The following IL12RB2 variants were observed in gnomAD, a reference collection of about 807,000 sequenced individuals.
IL12RB2 encodes the protein interleukin 12 receptor subunit beta 2, also known as interleukin-12 receptor subunit beta-2.
Under a neutral mutation model 89.4 loss-of-function variants are expected in IL12RB2, and 82 were observed. The ratio of observed to expected loss-of-function variants is 0.92; its 90% CI spans 0.77 to 1.10. The LOEUF is 1.10. IL12RB2 is among the 50% of genes least tolerant of loss of function. The probability of loss-of-function intolerance (pLI) is 0.00; values close to 1 mark genes in which losing one functional copy is unlikely to be tolerated. For synonymous variants in IL12RB2, 368 were observed against 370.1 expected (o/e 0.99, Z 0.07); for missense variants, 963 against 1,031.9 (o/e 0.93, Z 0.92).
intron 9 of IL12RB2, 84 bp downstream of exon 9, chr1:67,338,787 A>C (rs941726333): frequency 1.2e-5 from 9 of 772,542 alleles, no homozygotes; most frequent in Non-Finnish European, 1.9e-5. Context: ...CTTTTATATG[A>C]AGCTTCAATG....
At chr1:67,356,273 G>A (rs1049488747) in intron 10 of IL12RB2, among the ~76,000 whole-genome samples, 4 of 152,170 alleles carry the variant, frequency 2.6e-5, no homozygotes, top group South Asian at 2.1e-4. Context: ...GTGATGAAGC[G>A]GGGAGGACCA....
intron 10 of IL12RB2, among the ~76,000 whole-genome samples, chr1:67,362,926 C>T (rs1402433446): frequency 1.4e-4 from 20 of 147,446 alleles, no homozygotes; most frequent in African/African-American, 3.7e-4. Context: ...TTTTTTGTGA[C>T]GGAGTCTTGC....
chr1:67,372,326 GA>G, intron 11 of IL12RB2, 109 bp from the exon 12 acceptor site: 1 of 767,606 alleles, frequency 1.3e-6, no homozygotes, highest in Non-Finnish European at 2.4e-6. Flanking sequence ...TTTAAACTAG[GA>G]AAAGGCAAGA....
intron 2 of IL12RB2, among the ~76,000 whole-genome samples, chr1:67,317,218 G>A (rs2100560803): frequency 6.6e-6 from 1 of 152,294 alleles, no homozygotes; most frequent in South Asian, 2.1e-4. Flanking sequence ...TGGTGGATGT[G>A]GCTGGTGATA....
At chr1:67,320,520 G>T in intron 3 of IL12RB2, 76 bp downstream of exon 3, 1 of 1,605,266 alleles carries the variant, frequency 6.2e-7, no homozygotes, top group South Asian at 1.1e-5. Context: ...GTATGTATTT[G>T]TGGTAAATGT....
intron 16 of IL12RB2, among the ~76,000 whole-genome samples, chr1:67,392,032 TG>T (rs1665890136): frequency 6.6e-6 from 1 of 152,148 alleles, no homozygotes; most frequent in East Asian, 1.9e-4. Context: ...AGCGAGTACA[TG>T]GTGGATCCTG....
intron 13 of IL12RB2, among the ~76,000 whole-genome samples, chr1:67,373,413 C>A (rs951982455): frequency 3.9e-5 from 6 of 152,218 alleles, no homozygotes; most frequent in East Asian, 1.9e-4. Context: ...CCCCGCCAAT[C>A]CTGTATAGGC....
intron 14 of IL12RB2, among the ~76,000 whole-genome samples, chr1:67,383,738 G>C (rs1351645012): frequency 6.6e-6 from 1 of 152,222 alleles, no homozygotes; most frequent in African/African-American, 2.4e-5. Flanking sequence ...TAAGCCTAGT[G>C]TTCCATTATT....
intron 13 of IL12RB2, among the ~76,000 whole-genome samples, chr1:67,373,826 G>A (rs1440354365): frequency 1.3e-5 from 2 of 152,182 alleles, no homozygotes; most frequent in East Asian, 3.9e-4. Flanking sequence ...ATGCAACAAA[G>A]CCACCCTAAG....
chr1:67,375,304 G>T (rs1056537870), intron 13 of IL12RB2, among the ~76,000 whole-genome samples: 1 of 152,144 alleles, frequency 6.6e-6, no homozygotes, highest in African/African-American at 2.4e-5. Flanking sequence ...GCTGAGGTGT[G>T]AGGATCACTG....
intron 13 of IL12RB2, among the ~76,000 whole-genome samples, chr1:67,373,167 G>A (rs1225769111): frequency 6.6e-6 from 1 of 152,186 alleles, no homozygotes; most frequent in Non-Finnish European, 1.5e-5. Context: ...GAGTGCAGTG[G>A]TGCAATCACA....
rs148025435 is a variant in IL12RB2 at position 67,316,406 on chromosome 1, C to T, written c.-37+2406C>T. On this transcript the variant is annotated intron_variant, in intron 2 of 16. Coordinates refer to ENST00000674203, the MANE Select transcript of IL12RB2 (RefSeq NM_001374259.2). ...TCCTAACTGGTCTGCCTGCATCCACCCTAGTCCCCAGAGTAGTGTGTGTGT... is the reference window on the plus strand; with the variant it reads ...TCCTAACTGGTCTGCCTGCATCCACTCTAGTCCCCAGAGTAGTGTGTGTGT... Among the ~76,000 whole-genome samples the T allele has an allele frequency of 1.2e-3, 168 of 134,744 alleles. 1 individual carries two copies. The highest frequency in any genetic ancestry group is 1.6e-3 in the Non-Finnish European group (99 of 62,130). The allele number at this position is 134,744 out of a possible 152,430, so 88.4% of individuals were successfully genotyped here. A position where few individuals can be genotyped will look rare whatever the true frequency, so the allele number is the denominator to read the frequency against.
chr1:67,359,664 G>A (rs1297898740), intron 10 of IL12RB2, among the ~76,000 whole-genome samples: 1 of 152,100 alleles, frequency 6.6e-6, no homozygotes, highest in African/African-American at 2.4e-5. Flanking sequence ...GGCAGTTGCA[G>A]TGAGCCAAGA....
chr1:67,342,287 T>G (rs1486035941), intron 9 of IL12RB2, among the ~76,000 whole-genome samples: 9 of 152,012 alleles, frequency 5.9e-5, no homozygotes, highest in African/African-American at 2.2e-4. Context: ...CGCCCACCAC[T>G]GCAAAGAAGG....
At chr1:67,390,327 A>G (rs542822844) in intron 16 of IL12RB2, among the ~76,000 whole-genome samples, 199 bp downstream of exon 16, 306 of 152,236 alleles carry the variant, frequency 2.0e-3, no homozygotes, top group African/African-American at 7.1e-3. Context: ...AATCTTCTGA[A>G]GTTTATGATC....
chr1:67,348,967 A>G (rs559561287), intron 9 of IL12RB2, among the ~76,000 whole-genome samples: 1 of 152,310 alleles, frequency 6.6e-6, no homozygotes, highest in Admixed American at 6.5e-5. Context: ...ACTCTAAAAT[A>G]TGGGATGCGA....
rs764563068 is a variant in IL12RB2 at position 67,351,056 on chromosome 1, A to C, written c.1225A>C (p.Thr409Pro). 1.2e-5 allele frequency: 19 copies of C among 1,613,276 alleles called. No individual in the cohort carries two copies. Among genetic ancestry groups the C allele is most frequent in the Non-Finnish European group, 1.3e-5 (15 of 1,179,884 alleles). Residue 409 changes from threonine (T) to proline (P), a missense_variant, in exon 10 of 17, where the codon ACT (threonine) becomes CCT (proline). Physicochemically the swap from Thr to Pro is conservative, Grantham distance 38. Transcript: ENST00000674203. ...AAATTCAAAAGGCAGTTCTCTGCCC[A>C]CTCGTATTAACATAATGAACCTGTG... is the stretch of plus-strand genomic sequence containing the variant. Reference protein sequence around the residue: ...AANSKGSSLPTRINIMNLCEA... With the variant: ...AANSKGSSLPPRINIMNLCEA...
At chr1:67,327,989 A>G (rs1320731602) in intron 5 of IL12RB2, among the ~76,000 whole-genome samples, 1 of 152,232 alleles carries the variant, frequency 6.6e-6, no homozygotes, top group African/African-American at 2.4e-5. Flanking sequence ...GTGGAAGAAC[A>G]TCTCAGTTCT....
At chr1:67,381,252 A>G (rs1471549170) in intron 14 of IL12RB2, among the ~76,000 whole-genome samples, 3 of 152,214 alleles carry the variant, frequency 2.0e-5, no homozygotes, top group African/African-American at 7.2e-5. Flanking sequence ...CTGATGAATA[A>G]GTGACCCAGC....
Sources: allele counts gnomAD v4.1 joint callset (sites outside exome capture counted in the v4.1 genomes callset), GRCh38; gene constraint gnomAD v4.1.1; transcripts MANE v1.5; gene names NCBI Gene and HGNC (gene_info 2026-07-23, HGNC 2026-07-21).